The following TTC39B variants were observed in gnomAD, a reference collection of about 807,000 sequenced individuals.
TTC39B encodes the protein tetratricopeptide repeat protein 39B.
In TTC39B, 92 loss-of-function variants were observed where a neutral mutation model predicts 96.6. The ratio of observed to expected loss-of-function variants is 0.95; its 90% CI spans 0.80 to 1.13. The LOEUF is 1.13. TTC39B is among the 50% of genes most tolerant of loss of function. TTC39B has a pLI of 0.00. For missense variants in TTC39B, 955 were observed against 809.3 expected, an observed-to-expected ratio of 1.18 and a Z score of -2.18; for synonymous variants, 367 against 299.4, an observed-to-expected ratio of 1.23 and a Z score of -2.33.
intron 6 of TTC39B, among the ~76,000 whole-genome samples, chr9:15,204,239 A>ATTTTTT (rs1819712492): frequency 6.6e-6 from 1 of 152,196 alleles, no homozygotes; most frequent in African/African-American, 2.4e-5. Flanking sequence ...TTAGTAACAT[A>ATTTTTT]AAACTTTGGC....
intron 19 of TTC39B, among the ~76,000 whole-genome samples, chr9:15,172,466 G>C (rs746775530): frequency 2.0e-5 from 3 of 152,060 alleles, no homozygotes; most frequent in African/African-American, 4.8e-5. Flanking sequence ...AAAATTTTAA[G>C]GTAGGTGCAT....
At chr9:15,271,368 G>A (rs138270887) in intron 1 of TTC39B, among the ~76,000 whole-genome samples, 311 of 152,318 alleles carry the variant, frequency 2.0e-3, no homozygotes, top group African/African-American at 7.2e-3. Context: ...GCTGCTCAGT[G>A]AGACAGCAGT....
intron 6 of TTC39B, among the ~76,000 whole-genome samples, chr9:15,209,110 G>C (rs1309252615): frequency 6.6e-6 from 1 of 152,124 alleles, no homozygotes; most frequent in Non-Finnish European, 1.5e-5. Context: ...TACAGGCACA[G>C]ATTCTCCTGG....
At chr9:15,275,699 T>G (rs7873299) in intron 1 of TTC39B, among the ~76,000 whole-genome samples, 46,638 of 151,886 alleles carry the variant, frequency 0.31, 11,556 homozygotes, top group African/African-American at 0.69. Flanking sequence ...ATTAGGCAGG[T>G]GGAAATGTAT....
chr9:15,287,945 C>CAAAAAAAAAAAA (rs762069142), intron 1 of TTC39B, among the ~76,000 whole-genome samples: 2 of 68,972 alleles, frequency 2.9e-5, no homozygotes, highest in Admixed American at 2.0e-4. Context: ...GACTCCATCT[C>CAAAAAAAAAAAA]AAAAAAAAAA....
At chr9:15,304,848 C>T (rs1230928211) in intron 1 of TTC39B, among the ~76,000 whole-genome samples, 2 of 152,110 alleles carry the variant, frequency 1.3e-5, no homozygotes, top group Admixed American at 1.3e-4. Context: ...TACCTCCAGG[C>T]TAGTACAGGG....
At chr9:15,234,719 T>G (rs1329142789) in intron 2 of TTC39B, among the ~76,000 whole-genome samples, 4 of 151,842 alleles carry the variant, frequency 2.6e-5, no homozygotes, top group South Asian at 2.1e-4. Context: ...CCTGTTGATC[T>G]GTGACCTTAC....
At chr9:15,192,931 A>C (rs1272878044) in intron 8 of TTC39B, among the ~76,000 whole-genome samples, 1 of 152,202 alleles carries the variant, frequency 6.6e-6, no homozygotes, top group Non-Finnish European at 1.5e-5. Context: ...TCTGGGCTTA[A>C]AGAGAGGGTT....
chr9:15,285,259 A>T (rs1248254582), intron 1 of TTC39B, among the ~76,000 whole-genome samples: 1 of 147,582 alleles, frequency 6.8e-6, no homozygotes, highest in East Asian at 2.0e-4. Flanking sequence ...ACAGAGCAAG[A>T]CTCCGTCTCA....
At chr9:15,238,741 T>C (rs1821901302) in intron 2 of TTC39B, among the ~76,000 whole-genome samples, 1 of 152,166 alleles carries the variant, frequency 6.6e-6, no homozygotes, top group Admixed American at 6.5e-5. Flanking sequence ...ATCCCAGCAC[T>C]TTTGGAGGCT....
rs74900033 is a variant in TTC39B at position 15,201,567 on chromosome 9, G to C, written c.760-1642C>G. Among the ~76,000 whole-genome samples the C allele has an allele frequency of 5.5e-4, 84 of 152,280 alleles. 2 individuals are homozygous for C. In the East Asian group the frequency reaches 0.016, roughly 29 times the overall value. ...AGCAGATGTGAATTTTGTAAGCAAA[G>C]TAAAACTCAAGTGGAAAGACAGGGT... On this transcript the variant is annotated intron_variant, in intron 7 of 19. Coordinates refer to ENST00000512701, the Ensembl canonical transcript of TTC39B.
intron 2 of TTC39B, among the ~76,000 whole-genome samples, chr9:15,266,450 T>C (rs776972337): frequency 2.0e-5 from 3 of 152,124 alleles, no homozygotes; most frequent in Non-Finnish European, 4.4e-5. Context: ...TTAGAAGTCA[T>C]ACAAAAGATG....
chr9:15,269,760 C>T (rs1483640734), intron 1 of TTC39B, among the ~76,000 whole-genome samples: 3 of 150,896 alleles, frequency 2.0e-5, no homozygotes, highest in Non-Finnish European at 4.4e-5. Context: ...GAGGCTGAGG[C>T]AGGATAATCG....
intron 1 of TTC39B, among the ~76,000 whole-genome samples, chr9:15,281,226 G>A (rs1455175850): frequency 6.6e-6 from 1 of 151,956 alleles, no homozygotes; most frequent in Non-Finnish European, 1.5e-5. Flanking sequence ...TCTTGGGCAA[G>A]GTACTTCTCT....
At chr9:15,210,356 T>C (rs1451855857) in intron 5 of TTC39B, among the ~76,000 whole-genome samples, 192 bp from the exon 6 acceptor site, 3 of 152,236 alleles carry the variant, frequency 2.0e-5, no homozygotes, top group Non-Finnish European at 2.9e-5. Context: ...TAGCCATTTG[T>C]GGGAACTCAG....
At chr9:15,176,024 T>C (rs1044252673) in intron 18 of TTC39B, among the ~76,000 whole-genome samples, 2 of 152,186 alleles carry the variant, frequency 1.3e-5, no homozygotes, top group Non-Finnish European at 2.9e-5. Context: ...CAATAACCAA[T>C]AGGCCTGCCC....
chr9:15,200,933 A>T (rs1294163237), intron 7 of TTC39B, among the ~76,000 whole-genome samples: 1 of 152,182 alleles, frequency 6.6e-6, no homozygotes, highest in Non-Finnish European at 1.5e-5. Context: ...TGGGAGGTGG[A>T]GGTTGCAGTG....
chr9:15,279,767 G>A (rs999526301), intron 1 of TTC39B, among the ~76,000 whole-genome samples: 6 of 152,094 alleles, frequency 3.9e-5, no homozygotes, highest in African/African-American at 1.2e-4. Context: ...CTTCTCTGTG[G>A]CTGACATGTC....
rs538806573 is a variant in TTC39B at position 15,282,675 on chromosome 9, TAAC to T, written c.241-14730_241-14728del. Reference sequence around the variant, plus strand: ...ACACTGCTCCACAAACTTTTACATATAACAACTGATTTGCTCTTCATAAAAACC... The same window carrying T: ...ACACTGCTCCACAAACTTTTACATATAACTGATTTGCTCTTCATAAAAACC... On this transcript the variant is annotated intron_variant, in intron 1 of 19. Transcript: ENST00000512701. Among the ~76,000 whole-genome samples, 29 of 152,292 alleles carry T rather than the reference TAAC, an allele frequency of 1.9e-4. No individual in the cohort carries two copies. In the South Asian group the frequency reaches 5.8e-3, roughly 30 times the overall value.
Sources: allele counts gnomAD v4.1 joint callset (sites outside exome capture counted in the v4.1 genomes callset), GRCh38; gene constraint gnomAD v4.1.1; transcripts MANE v1.5; gene names NCBI Gene and HGNC (gene_info 2026-07-23, HGNC 2026-07-21).